SUMF1: variants seen among roughly 807,000 people sequenced by gnomAD.
SUMF1 encodes the protein formylglycine-generating enzyme.
A neutral mutation model predicts 47.6 loss-of-function variants in SUMF1; 48 were observed. That is an observed-to-expected ratio of 1.01 (90% CI 0.80 to 1.28). SUMF1 has a LOEUF of 1.28. Among genes scored for constraint, SUMF1 ranks in the 50% most tolerant of loss-of-function variants. The pLI is 0.00. For missense variants in SUMF1, 571 were observed against 485.4 expected (o/e 1.18, Z -1.66); for synonymous variants, 230 against 192.1 (o/e 1.20, Z -1.63).
At chr3:4,038,214 G>C (rs1222160221) in intron 9 of SUMF1, among the ~76,000 whole-genome samples, 1 of 152,088 alleles carries the variant, frequency 6.6e-6, no homozygotes, top group Admixed American at 6.5e-5. Flanking sequence ...CTTGTCTCCT[G>C]GGGGCTCCAC....
At chr3:4,379,840 CAAAAAAAAA>C (rs58264459) in intron 7 of SUMF1, among the ~76,000 whole-genome samples, 2 of 76,888 alleles carry the variant, frequency 2.6e-5, no homozygotes, top group African/African-American at 1.1e-4. Context: ...GCCTCCATCT[CAAAAAAAAA>C]AAAAAAAAAA....
intron 8 of SUMF1, among the ~76,000 whole-genome samples, chr3:4,212,936 T>A (rs1456441336): frequency 6.6e-6 from 1 of 152,154 alleles, no homozygotes; most frequent in Non-Finnish European, 1.5e-5. Context: ...CTGTGTTTGA[T>A]TGGTGTACCT....
At chr3:4,274,504 A>G (rs1697374089) in intron 8 of SUMF1, among the ~76,000 whole-genome samples, 1 of 152,238 alleles carries the variant, frequency 6.6e-6, no homozygotes, top group Admixed American at 6.5e-5. Context: ...TAAGCCATTC[A>G]TCTGAAATCA....
chr3:4,266,370 TG>T (rs1697195235), intron 8 of SUMF1, among the ~76,000 whole-genome samples: 1 of 150,814 alleles, frequency 6.6e-6, no homozygotes, highest in African/African-American at 2.4e-5. Context: ...GAGCATGGAA[TG>T]TTCTTCCATT....
At chr3:4,115,831 CAT>C (rs1018707394) in intron 8 of SUMF1, among the ~76,000 whole-genome samples, 1 of 151,930 alleles carries the variant, frequency 6.6e-6, no homozygotes, top group African/African-American at 2.4e-5. Flanking sequence ...TTTAAAAAAA[CAT>C]AAAAAATCTA....
At chr3:4,252,931 T>C (rs1405579257) in intron 8 of SUMF1, among the ~76,000 whole-genome samples, 1 of 152,210 alleles carries the variant, frequency 6.6e-6, no homozygotes, top group African/African-American at 2.4e-5. Flanking sequence ...TATTAAGTTC[T>C]CCACTAACTC....
rs557172329 is a variant in SUMF1, at chr3:4,404,429, T to G, written c.954+6436A>C. On this transcript the variant is annotated intron_variant, in intron 7 of 8. Transcript: ENST00000272902. Reference sequence around the variant, plus strand: ...ACATTAGGTTAGTTCTCTATCAAACTGATTTATTCATGTCCTCAGAATGTC... The same window carrying G: ...ACATTAGGTTAGTTCTCTATCAAACGGATTTATTCATGTCCTCAGAATGTC... Among the ~76,000 whole-genome samples, 9 of 152,328 alleles carry G rather than the reference T, an allele frequency of 5.9e-5. No individual in the cohort carries two copies. In the South Asian group the frequency reaches 1.0e-3, roughly 18 times the overall value.
chr3:4,231,167 G>C (rs1696290545), intron 8 of SUMF1, among the ~76,000 whole-genome samples: 1 of 152,086 alleles, frequency 6.6e-6, no homozygotes, highest in African/African-American at 2.4e-5. Flanking sequence ...CCTGCTAATA[G>C]CTAGGCACAA....
intron 8 of SUMF1, among the ~76,000 whole-genome samples, chr3:4,087,204 C>T (rs1818029): frequency 0.053 from 8,022 of 152,258 alleles, 573 homozygotes; most frequent in East Asian, 0.17. Flanking sequence ...AGTCCTGACA[C>T]AGACTCTGTG....
chr3:4,167,577 T>C (rs1485062387), intron 8 of SUMF1, among the ~76,000 whole-genome samples: 3 of 152,072 alleles, frequency 2.0e-5, no homozygotes, highest in Non-Finnish European at 2.9e-5. Flanking sequence ...TTTACAAACC[T>C]CTTGCTAGCT....
intron 8 of SUMF1, among the ~76,000 whole-genome samples, chr3:4,364,338 T>G (rs1478047830): frequency 1.1e-4 from 11 of 98,694 alleles, no homozygotes; most frequent in African/African-American, 4.2e-4. Context: ...AATTCGGCTG[T>G]GAATCCATCT....
chr3:4,102,208 G>T lies in SUMF1; in HGVS notation c.1015-33463C>A, dbSNP rs1479696174. ...ATAACATAATTTCTGGAATATTCTT[G>T]CTAATGTCATTAAATCTATACAAAG... On this transcript the variant is annotated intron_variant and NMD_transcript_variant, in intron 8 of 12. Coordinates refer to the SUMF1 transcript ENST00000448413. Among the ~76,000 whole-genome samples the T allele has an allele frequency of 2.0e-5, 3 of 152,066 alleles. No individual in the cohort carries two copies. The East Asian group carries it at 5.8e-4, about 29-fold the overall frequency.
intron 8 of SUMF1, among the ~76,000 whole-genome samples, chr3:4,113,916 T>G (rs1036722362): frequency 6.6e-6 from 1 of 152,152 alleles, no homozygotes; most frequent in African/African-American, 2.4e-5. Context: ...TTCCTTTAGA[T>G]AGTGGTAATA....
At chr3:4,220,173 C>G (rs561084008) in intron 8 of SUMF1, among the ~76,000 whole-genome samples, 1 of 152,222 alleles carries the variant, frequency 6.6e-6, no homozygotes, top group Non-Finnish European at 1.5e-5. Context: ...TAGTAAGAGG[C>G]CAAGTTAATT....
chr3:4,388,178 A>G (rs535364978), intron 7 of SUMF1, among the ~76,000 whole-genome samples: 2 of 152,212 alleles, frequency 1.3e-5, no homozygotes, highest in South Asian at 4.1e-4. Context: ...AAGGTCCCCA[A>G]CTAAAATTGT....
intron 7 of SUMF1, among the ~76,000 whole-genome samples, chr3:4,387,344 GTGT>G (rs1559264917): frequency 6.6e-6 from 1 of 151,992 alleles, no homozygotes; most frequent in Non-Finnish European, 1.5e-5. Flanking sequence ...TTTTGAGGAA[GTGT>G]TGTTTCTCGC....
At chr3:4,283,597 CAG>C (rs1420324325) in intron 8 of SUMF1, among the ~76,000 whole-genome samples, 3 of 152,054 alleles carry the variant, frequency 2.0e-5, no homozygotes, top group African/African-American at 4.8e-5. Flanking sequence ...CACATGGTAA[CAG>C]AGAAAATGGC....
intron 8 of SUMF1, among the ~76,000 whole-genome samples, chr3:4,162,881 A>G (rs1271495483): frequency 6.6e-6 from 1 of 150,456 alleles, no homozygotes; most frequent in Non-Finnish European, 1.5e-5. Flanking sequence ...GCTTCTACTC[A>G]GCCATCTCAC....
intron 8 of SUMF1, among the ~76,000 whole-genome samples, chr3:4,251,977 T>A (rs1696812477): frequency 6.6e-6 from 1 of 152,132 alleles, no homozygotes; most frequent in African/African-American, 2.4e-5. Flanking sequence ...AAAACCAAAT[T>A]TTCATGTGAC....
Sources: allele counts gnomAD v4.1 joint callset (sites outside exome capture counted in the v4.1 genomes callset), GRCh38; gene constraint gnomAD v4.1.1; transcripts MANE v1.5; gene names NCBI Gene and HGNC (gene_info 2026-07-23, HGNC 2026-07-21).